CSMD1: variants seen among roughly 807,000 people sequenced by gnomAD.
The protein encoded by CSMD1 is CUB and sushi domain-containing protein 1.
CSMD1 carries 213 observed loss-of-function variants against 417.5 expected under a neutral mutation model. That is an observed-to-expected ratio of 0.51 (90% CI 0.46 to 0.57). CSMD1 has a LOEUF of 0.57. Among genes scored for constraint, CSMD1 ranks in the 20% least tolerant of loss-of-function variants. The pLI is 0.00. For missense variants in CSMD1, 6,923 were observed against 4,529.7 expected, an observed-to-expected ratio of 1.53 and a Z score of -15.17; for synonymous variants, 2,862 against 1,736.8, an observed-to-expected ratio of 1.65 and a Z score of -16.11.
intron 17 of CSMD1, among the ~76,000 whole-genome samples, chr8:3,389,165 T>A (rs1305504312): frequency 6.6e-6 from 1 of 152,180 alleles, no homozygotes; most frequent in Non-Finnish European, 1.5e-5. Flanking sequence ...GTTTGTTACA[T>A]TGGTAAACTT....
intron 1 of CSMD1, among the ~76,000 whole-genome samples, chr8:4,855,925 T>G (rs1048239858): frequency 3.1e-4 from 47 of 149,484 alleles, no homozygotes; most frequent in African/African-American, 1.2e-3. Context: ...GCCACAAAGA[T>G]ACTCCTCGAG....
At chr8:3,999,800 G>A (rs528197108) in intron 4 of CSMD1, among the ~76,000 whole-genome samples, 1 of 152,270 alleles carries the variant, frequency 6.6e-6, no homozygotes, top group African/African-American at 2.4e-5. Flanking sequence ...AAGACTACAT[G>A]AGGGATGGGT....
In CSMD1 at chr8:3,887,734, G is replaced by C. The variant is rs565897753; in HGVS notation, c.818+110169C>G. Reference sequence around the variant, plus strand: ...AGGAAATAGCTTTGATCTGTGGATAGAAAAAACTCAGATTACTGTAATATC... The same window carrying C: ...AGGAAATAGCTTTGATCTGTGGATACAAAAAACTCAGATTACTGTAATATC... On this transcript the variant is annotated intron_variant, in intron 5 of 69. Transcript: ENST00000635120. Among the ~76,000 whole-genome samples, 3 of 152,310 alleles carry C rather than the reference G, an allele frequency of 2.0e-5. No homozygotes were observed. In the South Asian group the frequency reaches 6.2e-4, roughly 32 times the overall value.
At chr8:3,498,167 A>G (rs1370183674) in intron 10 of CSMD1, among the ~76,000 whole-genome samples, 1 of 152,118 alleles carries the variant, frequency 6.6e-6, no homozygotes, top group African/African-American at 2.4e-5. Flanking sequence ...GAGAAATCTA[A>G]TGTTAGTCTG....
At position 3,235,478 on chromosome 8, in the gene CSMD1, G is replaced by A. The variant is rs77302763; in HGVS notation, c.4154-5247C>T. Reference sequence around the variant, plus strand: ...GGGAGTTAATAGGATCTGGTCAAATGAGATTGGCAAATACTGCACACCCCA... The same window carrying A: ...GGGAGTTAATAGGATCTGGTCAAATAAGATTGGCAAATACTGCACACCCCA... On this transcript the variant is annotated intron_variant, in intron 26 of 69. Coordinates refer to ENST00000635120, the MANE Select transcript of CSMD1 (RefSeq NM_033225.6). 9.2e-4 allele frequency among the ~76,000 whole-genome samples: 140 copies of A among 152,256 alleles called. 1 individual carries two copies. In the East Asian group the frequency reaches 0.013, roughly 15 times the overall value.
At chr8:4,628,699 T>C (rs1351709839) in intron 2 of CSMD1, among the ~76,000 whole-genome samples, 1 of 151,678 alleles carries the variant, frequency 6.6e-6, no homozygotes, top group Non-Finnish European at 1.5e-5. Flanking sequence ...TTTACCTTGG[T>C]TAAAATTACA....
intron 3 of CSMD1, among the ~76,000 whole-genome samples, chr8:4,288,515 G>A (rs186892794): frequency 2.6e-5 from 4 of 152,314 alleles, no homozygotes; most frequent in Admixed American, 2.0e-4. Flanking sequence ...GGTTTACCCA[G>A]TAGTAGCAGA....
intron 11 of CSMD1, among the ~76,000 whole-genome samples, chr8:3,489,065 A>G (rs1818220898): frequency 6.6e-6 from 1 of 152,226 alleles, no homozygotes; most frequent in Non-Finnish European, 1.5e-5. Context: ...ATACACACAC[A>G]AATACACACG....
intron 1 of CSMD1, among the ~76,000 whole-genome samples, chr8:4,791,086 G>GA (rs150573940): frequency 5.9e-4 from 78 of 131,466 alleles, no homozygotes; most frequent in African/African-American, 1.7e-3. Flanking sequence ...GAGACGGTGA[G>GA]AGAGACGGTG....
At chr8:4,184,001 A>T (rs2131186882) in intron 3 of CSMD1, among the ~76,000 whole-genome samples, 1 of 152,342 alleles carries the variant, frequency 6.6e-6, no homozygotes. Flanking sequence ...TGTCATACAC[A>T]TGACAAGGGT....
chr8:2,966,583 A>G lies in CSMD1; in HGVS notation c.9087T>C (p.Ala3029=). The G allele has an allele frequency of 6.2e-7, 1 of 1,613,566 alleles. No homozygotes were observed. The highest frequency in any genetic ancestry group is 8.5e-7 in the Non-Finnish European group (1 of 1,179,698). Residue 3029 remains alanine, a synonymous_variant, in exon 58 of 70, where the codon GCT becomes GCC. Coordinates refer to ENST00000635120, the MANE Select transcript of CSMD1 (RefSeq NM_033225.6). ...CTGCTTACTAACTTGTGCAGTCGGG[A>G]GCAGTGCCTGTCCAGGTCCCATTGG... is the stretch of plus-strand genomic sequence containing the variant. ...CTANGTWTGT[A]PDCTIISCGD...
chr8:4,636,394 T>G (rs1280751188), intron 2 of CSMD1, among the ~76,000 whole-genome samples: 1 of 152,158 alleles, frequency 6.6e-6, no homozygotes, highest in East Asian at 1.9e-4. Context: ...GAAAACAAAT[T>G]ACGAATAGAT....
chr8:4,945,171 C>T (rs751952865), intron 1 of CSMD1, among the ~76,000 whole-genome samples: 2 of 152,166 alleles, frequency 1.3e-5, no homozygotes, highest in Middle Eastern at 3.4e-3. Context: ...TGAATGATCC[C>T]AAATACATGA....
At chr8:3,419,255 C>A (rs1263532838) in intron 12 of CSMD1, among the ~76,000 whole-genome samples, 1 of 152,158 alleles carries the variant, frequency 6.6e-6, no homozygotes, top group African/African-American at 2.4e-5. Flanking sequence ...ACAATCTGCA[C>A]CAACCAGATG....
intron 6 of CSMD1, among the ~76,000 whole-genome samples, chr8:3,708,704 A>G (rs1330510680): frequency 1.3e-5 from 2 of 152,214 alleles, no homozygotes; most frequent in East Asian, 3.9e-4. Flanking sequence ...ATCTTACAGC[A>G]TCAGTGTCGG....
intron 17 of CSMD1, among the ~76,000 whole-genome samples, chr8:3,390,484 G>T (rs979041649): frequency 6.6e-6 from 1 of 151,884 alleles, no homozygotes; most frequent in South Asian, 2.1e-4. Context: ...GGGAAAGGTA[G>T]GGCAAAGTCC....
At chr8:3,671,134 G>T (rs1207836931) in intron 7 of CSMD1, among the ~76,000 whole-genome samples, 1 of 146,780 alleles carries the variant, frequency 6.8e-6, no homozygotes, top group Non-Finnish European at 1.5e-5. Context: ...ATATATGTAT[G>T]GGATATATGT....
intron 11 of CSMD1, among the ~76,000 whole-genome samples, chr8:3,474,491 G>A (rs979772022): frequency 6.6e-6 from 1 of 152,034 alleles, no homozygotes; most frequent in African/African-American, 2.4e-5. Context: ...TTGGTAAACA[G>A]TAATCTTTCT....
chr8:3,126,625 T>C (rs1167116183), intron 41 of CSMD1, among the ~76,000 whole-genome samples: 1 of 152,210 alleles, frequency 6.6e-6, no homozygotes, highest in Non-Finnish European at 1.5e-5. Flanking sequence ...CTATCGGCTA[T>C]TCTAAACTTC....
Sources: allele counts gnomAD v4.1 joint callset (sites outside exome capture counted in the v4.1 genomes callset), GRCh38; gene constraint gnomAD v4.1.1; transcripts MANE v1.5; gene names NCBI Gene and HGNC (gene_info 2026-07-23, HGNC 2026-07-21).